EXOC4: variants seen among roughly 807,000 people sequenced by gnomAD.
The protein encoded by EXOC4 is exocyst complex component 4, also known as SEC8-like 1.
In EXOC4, 71 loss-of-function variants were observed where a neutral mutation model predicts 107.2. The observed-to-expected ratio is 0.66, with a 90% confidence interval of 0.55 to 0.81. The LOEUF (loss-of-function observed/expected upper bound fraction) is 0.81. Ranked by LOEUF, EXOC4 falls within the 30% of genes least tolerant of loss-of-function variation. The pLI, the probability that EXOC4 is intolerant of heterozygous loss-of-function variation, is 0.00. For synonymous variants in EXOC4, 456 were observed against 441.2 expected (o/e 1.03, Z -0.42); for missense variants, 1,108 against 1,189.6 (o/e 0.93, Z 1.01).
intron 10 of EXOC4, 35 bp downstream of exon 10, chr7:133,630,176 C>A: frequency 1.4e-6 from 2 of 1,452,018 alleles, no homozygotes; most frequent in Middle Eastern, 1.7e-4. Context: ...TACTGAAGAT[C>A]AATATTTTCA....
intron 9 of EXOC4, among the ~76,000 whole-genome samples, chr7:133,506,309 T>TA (rs1307669899): frequency 6.6e-6 from 1 of 152,122 alleles, no homozygotes; most frequent in Non-Finnish European, 1.5e-5. Context: ...CTCAAAAAAT[T>TA]ACATTCTTCC....
At chr7:133,974,573 C>T (rs1289230359) in intron 14 of EXOC4, among the ~76,000 whole-genome samples, 1 of 152,188 alleles carries the variant, frequency 6.6e-6, no homozygotes. Flanking sequence ...TCCAGACATA[C>T]CTACTAGAAG....
At chr7:133,474,209 C>T in intron 7 of EXOC4, among the ~76,000 whole-genome samples, 1 of 151,886 alleles carries the variant, frequency 6.6e-6, no homozygotes, top group African/African-American at 2.4e-5. Context: ...TAATTTGCTG[C>T]CTTTTGTTTT....
intron 1 of EXOC4, among the ~76,000 whole-genome samples, chr7:133,260,202 TAAC>T (rs1795111871): frequency 6.6e-6 from 1 of 152,218 alleles, no homozygotes; most frequent in Admixed American, 6.5e-5. Context: ...TTTATATTGA[TAAC>T]AATACTGCAC....
In EXOC4 at chr7:133,319,216, A is replaced by G. The variant is rs184951492; in HGVS notation, c.763+1826A>G. Among the ~76,000 whole-genome samples, 4 of 152,360 alleles carry G rather than the reference A, an allele frequency of 2.6e-5. No individual in the cohort carries two copies. The East Asian group carries it at 7.7e-4, about 29-fold the overall frequency. On this transcript the variant is annotated intron_variant, in intron 5 of 17. Coordinates refer to ENST00000253861, the MANE Select transcript of EXOC4 (RefSeq NM_021807.4). The stretch of plus-strand genomic sequence containing the variant: ...GGCAGGCTTTGCAAATGAGTGTTGT[A>G]TAAATATAAAATAAGCTGAAATATG...
rs10673346 is a variant in EXOC4, at chr7:133,737,909, C to CTTTTTTTTTTTTTTTTTTTTT, written c.1515-79396_1515-79395insTTTTTTTTTTTTTTTTTTTTT. Among the ~76,000 whole-genome samples, 69 of 89,308 alleles carry CTTTTTTTTTTTTTTTTTTTTT rather than the reference C, an allele frequency of 7.7e-4. 1 individual carries two copies. Among genetic ancestry groups the CTTTTTTTTTTTTTTTTTTTTT allele is most frequent in the Non-Finnish European group, 9.3e-4 (46 of 49,578 alleles). The allele number at this position is 89,308 out of a possible 152,430, so 58.6% of individuals were successfully genotyped here. On this transcript the variant is annotated intron_variant, in intron 10 of 17. Coordinates refer to ENST00000253861, the MANE Select transcript of EXOC4 (RefSeq NM_021807.4). ...TTTTTGTGCCTCTTGATTTTTCTTT[C>CTTTTTTTTTTTTTTTTTTTTT]TTTTTTTTTTTTTTTTTTTTGAGAC...
chr7:133,792,553 CAAAAAAAA>C (rs56408972), intron 10 of EXOC4, among the ~76,000 whole-genome samples: 22 of 73,606 alleles, frequency 3.0e-4, no homozygotes, highest in African/African-American at 6.3e-4. Flanking sequence ...ACCCTGTCTC[CAAAAAAAA>C]AAAAAAAAAA....
chr7:133,747,053 C>T (rs1259691100), intron 10 of EXOC4, among the ~76,000 whole-genome samples: 1 of 152,086 alleles, frequency 6.6e-6, no homozygotes, highest in African/African-American at 2.4e-5. Context: ...GAATTAGGTC[C>T]AGACAAAAGG....
chr7:133,869,224 A>G (rs6954472), intron 11 of EXOC4, among the ~76,000 whole-genome samples: 21,309 of 151,718 alleles, frequency 0.14, 1,708 homozygotes, highest in African/African-American at 0.2. Flanking sequence ...CTCAAACTAG[A>G]TCAACCAGAT....
intron 10 of EXOC4, among the ~76,000 whole-genome samples, chr7:133,790,928 T>C (rs970543275): frequency 6.6e-6 from 1 of 152,230 alleles, no homozygotes; most frequent in African/African-American, 2.4e-5. Flanking sequence ...CTCTGAAGCA[T>C]GGAAGGAGAT....
At chr7:133,624,060 AT>A (rs1209308987) in intron 9 of EXOC4, among the ~76,000 whole-genome samples, 1 of 152,172 alleles carries the variant, frequency 6.6e-6, no homozygotes. Flanking sequence ...ATACTATTTC[AT>A]AATCCTTAGA....
intron 7 of EXOC4, among the ~76,000 whole-genome samples, chr7:133,415,307 C>G (rs1195433480): frequency 6.6e-6 from 1 of 152,178 alleles, no homozygotes; most frequent in African/African-American, 2.4e-5. Context: ...AGTGGAATTA[C>G]TGGATTCCTG....
chr7:133,305,767 G>T (rs1794737989), intron 3 of EXOC4, 110 bp from the exon 4 acceptor site: 2 of 831,118 alleles, frequency 2.4e-6, no homozygotes, highest in African/African-American at 6.5e-5. Flanking sequence ...TGCTGATAAA[G>T]TTCTCGTAAG....
intron 7 of EXOC4, among the ~76,000 whole-genome samples, chr7:133,441,707 G>A (rs1204697033): frequency 6.6e-6 from 1 of 152,126 alleles, no homozygotes; most frequent in African/African-American, 2.4e-5. Context: ...TCCGCCTCTA[G>A]TTATCTTGAA....
intron 14 of EXOC4, among the ~76,000 whole-genome samples, chr7:133,994,106 A>G (rs762980039): frequency 2.0e-5 from 3 of 152,206 alleles, no homozygotes; most frequent in African/African-American, 2.4e-5. Flanking sequence ...TCATCCTGCC[A>G]CAAACAGCTA....
At chr7:133,468,188 G>A (rs1275391941) in intron 7 of EXOC4, among the ~76,000 whole-genome samples, 1 of 152,108 alleles carries the variant, frequency 6.6e-6, no homozygotes, top group East Asian at 1.9e-4. Flanking sequence ...GTGTACTCTT[G>A]GAAGTTTTTG....
At chr7:134,011,816 G>A (rs1452374729) in intron 17 of EXOC4, among the ~76,000 whole-genome samples, 3 of 151,840 alleles carry the variant, frequency 2.0e-5, no homozygotes, top group East Asian at 1.9e-4. Flanking sequence ...GGCATGGGGA[G>A]GGGACCAGAG....
chr7:134,068,960 C>T (rs1796225909), downstream of EXOC4, among the ~76,000 whole-genome samples: 1 of 152,254 alleles, frequency 6.6e-6, no homozygotes, highest in South Asian at 2.1e-4. Flanking sequence ...GCAAAAGAAA[C>T]AGCCCCTTGT....
At chr7:134,096,052 CTA>C in the EXOC4 span, among the ~76,000 whole-genome samples, 1 of 152,114 alleles carries the variant, frequency 6.6e-6, no homozygotes, top group Non-Finnish European at 1.5e-5. Context: ...TATTTGCAAA[CTA>C]TGCATCCAAC....
Sources: allele counts gnomAD v4.1 joint callset (sites outside exome capture counted in the v4.1 genomes callset), GRCh38; gene constraint gnomAD v4.1.1; transcripts MANE v1.5; gene names NCBI Gene and HGNC (gene_info 2026-07-23, HGNC 2026-07-21).